The following SHROOM3 variants were observed in gnomAD, a reference collection of about 807,000 sequenced individuals.
SHROOM3 encodes shroom family member 3.
Under a neutral mutation model 138.6 loss-of-function variants are expected in SHROOM3, and 47 were observed. The ratio of observed to expected loss-of-function variants is 0.34; its 90% confidence interval spans 0.27 to 0.43. The LOEUF is 0.43. SHROOM3 is among the 20% of genes least tolerant of loss of function. The probability of loss-of-function intolerance (pLI) is 1.00; values close to 1 mark genes in which losing one functional copy is unlikely to be tolerated. For synonymous variants in SHROOM3, 1,062 were observed against 1,063.3 expected (o/e 1.00, Z 0.02); for missense variants, 2,491 against 2,596.5 (o/e 0.96, Z 0.88).
intron 1 of SHROOM3, among the ~76,000 whole-genome samples, chr4:76,447,468 G>T (rs1057092663): frequency 1.3e-5 from 2 of 152,074 alleles, no homozygotes; most frequent in African/African-American, 4.8e-5. Context: ...ATGGAAACTG[G>T]GAAATGAGCT....
intron 2 of SHROOM3, among the ~76,000 whole-genome samples, chr4:76,633,348 A>G (rs7692923): frequency 3.2e-4 from 48 of 149,212 alleles, no homozygotes; most frequent in South Asian, 1.5e-3. Context: ...AAAAAAAAAA[A>G]AAAAAGAAAA....
rs1720855311 is a variant in SHROOM3 at position 76,730,933 on chromosome 4, C to T, written c.585C>T (p.Ser195=). Residue 195 remains serine (S), a splice_region_variant and synonymous_variant, in exon 4 of 11, where the codon TCC becomes TCT. Coordinates refer to ENST00000296043, the MANE Select transcript of SHROOM3 (RefSeq NM_020859.4). ...IGPPWHQSYH[S]SSSTSDLSNY... Reference sequence around the variant, plus strand: ...CTCCTTGGCACCAAAGCTACCATTCCAGGTAAGTGGCTATAGCTGAGACTG... The same window carrying T: ...CTCCTTGGCACCAAAGCTACCATTCTAGGTAAGTGGCTATAGCTGAGACTG... The T allele has an allele frequency of 6.2e-7, 1 of 1,614,068 alleles. No homozygotes were observed.
intron 1 of SHROOM3, among the ~76,000 whole-genome samples, chr4:76,539,646 C>T (rs1733057445): frequency 1.3e-5 from 2 of 152,182 alleles, no homozygotes; most frequent in Non-Finnish European, 2.9e-5. Flanking sequence ...GTATTATTAA[C>T]TTTATCTCAC....
chr4:76,528,544 C>CTTTTTTTTTTTTT lies in SHROOM3; in HGVS notation c.169-27062_169-27061insTTTTTTTTTTTTT, dbSNP rs146962643. On this transcript the variant is annotated intron_variant, in intron 1 of 10. Coordinates refer to ENST00000296043, the MANE Select transcript of SHROOM3 (RefSeq NM_020859.4). ...GGACTTCTCTCCTTTATCTTTCTTT[C>CTTTTTTTTTTTTT]TTTCTTTTTTTTTTTTTTGAGGCAG... Among the ~76,000 whole-genome samples the CTTTTTTTTTTTTT allele has an allele frequency of 1.6e-4, 17 of 103,446 alleles. 1 individual carries two copies. Among genetic ancestry groups the CTTTTTTTTTTTTT allele is most frequent in the East Asian group, 9.1e-4 (3 of 3,314 alleles). 67.9% of individuals were successfully genotyped at this position (103,446 alleles called of 152,430 possible). A position where few individuals can be genotyped will look rare whatever the true frequency, so the allele number is the denominator to read the frequency against.
intron 2 of SHROOM3, among the ~76,000 whole-genome samples, chr4:76,579,513 T>C (rs1382979452): frequency 1.3e-5 from 2 of 152,208 alleles, no homozygotes; most frequent in African/African-American, 4.8e-5. Flanking sequence ...CACAAGTACT[T>C]GGTCTACAGA....
intron 1 of SHROOM3, among the ~76,000 whole-genome samples, chr4:76,445,095 CAAA>C (rs35001806): frequency 8.8e-4 from 105 of 119,592 alleles, no homozygotes; most frequent in East Asian, 1.5e-3. Flanking sequence ...GACATTGTCT[CAAA>C]AAAAAAAAAA....
chr4:76,470,114 G>A (rs1189949324), intron 1 of SHROOM3, among the ~76,000 whole-genome samples: 1 of 152,094 alleles, frequency 6.6e-6, no homozygotes, highest in South Asian at 2.1e-4. Context: ...ACACCTCTAT[G>A]AAGTAGGTCC....
rs1227750730 is a variant in SHROOM3 at position 76,561,778 on chromosome 4, G to A, written c.323+6015G>A. ...TAATCCCAGCACTTTGGAAGGCAAA[G>A]GCAGGCAGGTCACCTGAGGTCAGGA... On this transcript the variant is annotated intron_variant, in intron 2 of 10. Coordinates refer to ENST00000296043, the MANE Select transcript of SHROOM3 (RefSeq NM_020859.4). 2.0e-5 allele frequency among the ~76,000 whole-genome samples: 3 copies of A among 151,788 alleles called. No individual in the cohort carries two copies. In the East Asian group the frequency reaches 5.8e-4, roughly 29 times the overall value.
intron 2 of SHROOM3, among the ~76,000 whole-genome samples, chr4:76,683,066 A>G (rs1190286880): frequency 6.6e-6 from 1 of 152,214 alleles, no homozygotes; most frequent in Non-Finnish European, 1.5e-5. Context: ...TTGTTTTACC[A>G]CATTACATAA....
rs574615233 is a variant in SHROOM3 at position 76,552,000 on chromosome 4, T to C, written c.169-3609T>C. Among the ~76,000 whole-genome samples, 17 of 146,886 alleles carry C rather than the reference T, an allele frequency of 1.2e-4. No homozygotes were observed. The East Asian group carries it at 3.3e-3, about 28-fold the overall frequency. ...CCTCAGCCTCCCGAGTAGCTGGGAC[T>C]ACAGGCGCCCGCCATCACGCCCGGC... is the stretch of plus-strand genomic sequence containing the variant. On this transcript the variant is annotated intron_variant, in intron 1 of 10. Coordinates refer to ENST00000296043, the MANE Select transcript of SHROOM3 (RefSeq NM_020859.4).
intron 1 of SHROOM3, among the ~76,000 whole-genome samples, chr4:76,489,866 A>C (rs1405793954): frequency 6.6e-6 from 1 of 152,238 alleles, no homozygotes; most frequent in Non-Finnish European, 1.5e-5. Context: ...TGAACAAAGA[A>C]TTGGACAAAA....
chr4:76,471,326 C>T (rs1447399063), intron 1 of SHROOM3, among the ~76,000 whole-genome samples: 1 of 151,864 alleles, frequency 6.6e-6, no homozygotes, highest in Non-Finnish European at 1.5e-5. Flanking sequence ...TCACTACAAC[C>T]TTTGCCTCCC....
At chr4:76,562,276 T>G (rs1317919344) in intron 2 of SHROOM3, among the ~76,000 whole-genome samples, 2 of 152,112 alleles carry the variant, frequency 1.3e-5, no homozygotes, top group Non-Finnish European at 1.5e-5. Context: ...ACCAAGACCC[T>G]TGGGCCCACA....
intron 2 of SHROOM3, chr4:76,689,449 G>C: frequency 1.1e-6 from 1 of 882,416 alleles, no homozygotes; most frequent in Non-Finnish European, 1.4e-6. Context: ...AGGTGGGCGA[G>C]CGCCCCGCAC....
chr4:76,448,455 C>T (rs1360464222), intron 1 of SHROOM3, among the ~76,000 whole-genome samples: 2 of 152,162 alleles, frequency 1.3e-5, no homozygotes, highest in Admixed American at 6.5e-5. Context: ...CTTGGAAGCC[C>T]TTTGCCACAG....
At chr4:76,558,136 C>T (rs888423648) in intron 2 of SHROOM3, among the ~76,000 whole-genome samples, 1 of 152,322 alleles carries the variant, frequency 6.6e-6, no homozygotes, top group Non-Finnish European at 1.5e-5. Flanking sequence ...CTGGAAAGGG[C>T]TGCTCTGTTT....
At chr4:76,551,657 C>T (rs1733355605) in intron 1 of SHROOM3, among the ~76,000 whole-genome samples, 1 of 152,026 alleles carries the variant, frequency 6.6e-6, no homozygotes, top group Non-Finnish European at 1.5e-5. Context: ...GAAGTCTCTT[C>T]AATAACTTCA....
chr4:76,749,352 C>T (rs1721550907), intron 6 of SHROOM3, among the ~76,000 whole-genome samples: 1 of 152,192 alleles, frequency 6.6e-6, no homozygotes. Context: ...CGTCATTTAG[C>T]ATGGAGAACT....
intron 6 of SHROOM3, among the ~76,000 whole-genome samples, chr4:76,751,305 C>T (rs1311772785): frequency 1.3e-5 from 2 of 152,166 alleles, no homozygotes; most frequent in Non-Finnish European, 2.9e-5. Flanking sequence ...CCTCTGTTCT[C>T]CATGAATGCC....
Sources: allele counts gnomAD v4.1 joint callset (sites outside exome capture counted in the v4.1 genomes callset), GRCh38; gene constraint gnomAD v4.1.1; transcripts MANE v1.5; gene names NCBI Gene and HGNC (gene_info 2026-07-23, HGNC 2026-07-21).